The following PGAP1 variants were observed in gnomAD, a reference collection of about 807,000 sequenced individuals.
PGAP1 encodes post-GPI attachment to proteins inositol deacylase 1.
PGAP1 carries 76 observed loss-of-function variants against 127.0 expected under a neutral mutation model. The observed-to-expected ratio is 0.60, with a 90% CI of 0.50 to 0.72. The LOEUF (loss-of-function observed/expected upper bound fraction) is 0.72. PGAP1 is among the 30% of genes least tolerant of loss of function. PGAP1 has a pLI of 0.00. For synonymous variants in PGAP1, 362 were observed against 366.5 expected, an observed-to-expected ratio of 0.99 and a Z score of 0.14; for missense variants, 982 against 1,071.3, an observed-to-expected ratio of 0.92 and a Z score of 1.16.
chr2:196,867,327 G>T (rs901050085), intron 19 of PGAP1, among the ~76,000 whole-genome samples: 1 of 152,148 alleles, frequency 6.6e-6, no homozygotes, highest in Non-Finnish European at 1.5e-5. Flanking sequence ...CCTTTGCAGG[G>T]ACATGGATGA....
intron 20 of PGAP1, among the ~76,000 whole-genome samples, chr2:196,855,828 T>C (rs1238174352): frequency 6.6e-6 from 1 of 152,162 alleles, no homozygotes; most frequent in Non-Finnish European, 1.5e-5. Flanking sequence ...GGAAATATTG[T>C]ATTGAATGTT....
chr2:196,864,950 A>G (rs949848178), intron 20 of PGAP1, 37 bp downstream of exon 20: 2 of 1,205,402 alleles, frequency 1.7e-6, no homozygotes, highest in African/African-American at 3.2e-5. Flanking sequence ...TTTAATATTC[A>G]TAACAAAAGT....
chr2:196,893,220 A>C lies in PGAP1; in HGVS notation c.953T>G (p.Leu318Arg). 6.3e-7 allele frequency: 1 copy of C among 1,594,654 alleles called. No individual in the cohort carries two copies. The highest frequency in any genetic ancestry group is 8.6e-7 in the Non-Finnish European group (1 of 1,165,714). Residue 318 changes from leucine to arginine, a missense_variant, in exon 8 of 27, where the codon CTG becomes CGG. By Grantham distance (102) the Leu-to-Arg change is moderately radical (BLOSUM62 -2). Transcript: ENST00000354764. Reference protein sequence around the residue: ...KQITQNSKKKLSVLYHHFIRH... With the variant: ...KQITQNSKKKRSVLYHHFIRH... ...TATAAAGTGGTGATACAAAACTGAC[A>C]GTTTCTTCTTGGAATTTTGAGTTAT...
chr2:196,898,897 C>G (rs1319505257), intron 5 of PGAP1, among the ~76,000 whole-genome samples: 2 of 151,670 alleles, frequency 1.3e-5, no homozygotes, highest in Admixed American at 1.3e-4. Context: ...ATCTGACTTT[C>G]CCAAGCGGGG....
chr2:196,898,255 G>T, intron 6 of PGAP1, 62 bp downstream of exon 6: 4 of 1,112,462 alleles, frequency 3.6e-6, no homozygotes, highest in Non-Finnish European at 4.0e-6. Context: ...TTAAATTACT[G>T]CATTGAGGAG....
At chr2:196,898,985 C>T (rs1480290179) in intron 5 of PGAP1, among the ~76,000 whole-genome samples, 3 of 151,390 alleles carry the variant, frequency 2.0e-5, no homozygotes, top group Non-Finnish European at 4.4e-5. Flanking sequence ...TATACAAGGA[C>T]AAAAGGCTTC....
chr2:196,855,882 G>A (rs1700867806), intron 20 of PGAP1, among the ~76,000 whole-genome samples: 1 of 152,134 alleles, frequency 6.6e-6, no homozygotes, highest in Non-Finnish European at 1.5e-5. Flanking sequence ...TATTTGAGAA[G>A]ATGCACAGAA....
In PGAP1 at chr2:196,837,286, A is replaced by C. The variant is rs1370728389; in HGVS notation, c.*3948T>G. On this transcript the variant is annotated 3_prime_UTR_variant, in exon 27 of 27. Coordinates refer to ENST00000354764, the MANE Select transcript of PGAP1 (RefSeq NM_024989.4). ...GCCACAAAGGGTGCTAATAAACAGC[A>C]AGATGAAATGAATGCACTATACTAA... The C allele has an allele frequency of 1.3e-5, 2 of 152,190 alleles. No homozygotes were observed. The highest frequency in any genetic ancestry group is 3.8e-4 in the East Asian group (2 of 5,208). 9.4% of individuals were successfully genotyped at this position (152,190 alleles called of 1,614,324 possible).
At chr2:196,859,315 A>C (rs868488723) in intron 20 of PGAP1, among the ~76,000 whole-genome samples, 3 of 152,316 alleles carry the variant, frequency 2.0e-5, no homozygotes, top group Middle Eastern at 6.8e-3. Context: ...CAACAGAGTG[A>C]GACTCTGTCT....
At chr2:196,902,396 TATTC>T (rs112012835) in intron 5 of PGAP1, among the ~76,000 whole-genome samples, 185 bp downstream of exon 5, 2 of 151,480 alleles carry the variant, frequency 1.3e-5, no homozygotes, top group Middle Eastern at 3.4e-3. Flanking sequence ...AACACATTCA[TATTC>T]ATTCATTCAT....
intron 18 of PGAP1, among the ~76,000 whole-genome samples, chr2:196,871,621 A>T (rs1359997549): frequency 2.6e-5 from 4 of 152,188 alleles, no homozygotes; most frequent in Admixed American, 1.3e-4. Context: ...AGGATGCAAG[A>T]TATCAAAGCA....
At chr2:196,860,271 C>A (rs746416538) in intron 20 of PGAP1, among the ~76,000 whole-genome samples, 1 of 152,114 alleles carries the variant, frequency 6.6e-6, no homozygotes, top group African/African-American at 2.4e-5. Flanking sequence ...GTGGCTCATG[C>A]CTGTAATCCC....
At chr2:196,923,022 T>C (rs1703256210) in intron 1 of PGAP1, among the ~76,000 whole-genome samples, 1 of 152,002 alleles carries the variant, frequency 6.6e-6, no homozygotes, top group Admixed American at 6.6e-5. Flanking sequence ...ACACATGACA[T>C]GCTTTAAAAT....
At chr2:196,882,854 T>G (rs1701774874) in intron 12 of PGAP1, among the ~76,000 whole-genome samples, 1 of 152,200 alleles carries the variant, frequency 6.6e-6, no homozygotes, top group Non-Finnish European at 1.5e-5. Context: ...TTCTTTCTCT[T>G]GCCTGATTGC....
chr2:196,852,199 T>C (rs1415976068), intron 20 of PGAP1, among the ~76,000 whole-genome samples: 1 of 152,168 alleles, frequency 6.6e-6, no homozygotes, highest in Non-Finnish European at 1.5e-5. Context: ...ATGAAATCTA[T>C]AAGGCTTTTG....
At chr2:196,868,426 TAAC>T (rs1701311878) in intron 19 of PGAP1, among the ~76,000 whole-genome samples, 1 of 151,972 alleles carries the variant, frequency 6.6e-6, no homozygotes, top group Admixed American at 6.5e-5. Flanking sequence ...CTACTAAACT[TAAC>T]AATCATAAAC....
Position 196,839,678 on chromosome 2 carries a change from G to C in PGAP1, c.*1556C>G, listed in dbSNP as rs1230046196. On this transcript the variant is annotated 3_prime_UTR_variant, in exon 27 of 27. Coordinates refer to ENST00000354764, the MANE Select transcript of PGAP1 (RefSeq NM_024989.4). ...CTTCAACTGAGGCCAAAATAGCCAG[G>C]ACCTGAGGAAGAACTGAGAAGAGAA... 2.0e-5 allele frequency: 3 copies of C among 152,222 alleles called. No homozygotes were observed. Among genetic ancestry groups the C allele is most frequent in the African/African-American group, 7.2e-5 (3 of 41,430 alleles). The allele number at this position is 152,222 out of a possible 1,614,324, so 9.4% of individuals were successfully genotyped here.
chr2:196,893,235 T>A lies in PGAP1; in HGVS notation c.938A>T (p.Asn313Ile), dbSNP rs1485898931. 2 of 1,558,688 alleles carry A rather than the reference T, an allele frequency of 1.3e-6. No homozygotes were observed. Among genetic ancestry groups the A allele is most frequent in the Non-Finnish European group, 1.8e-6 (2 of 1,132,444 alleles). ...IDADTKQITQ[N>I]SKKKLSVLYH... ...CAAAACTGACAGTTTCTTCTTGGAA[T>A]TTTGAGTTATCTAGAAAGAACATTG... Residue 313 changes from asparagine to isoleucine, a missense_variant, in exon 8 of 27, where the codon AAT (asparagine) becomes ATT (isoleucine). Transcript: ENST00000354764.
At chr2:196,869,685 A>G (rs896191480) in intron 19 of PGAP1, among the ~76,000 whole-genome samples, 11 of 152,186 alleles carry the variant, frequency 7.2e-5, no homozygotes, top group Non-Finnish European at 1.3e-4. Flanking sequence ...TTTCCAACTT[A>G]TACTAAGATT....
Sources: gnomAD v4.1 joint callset for allele counts (sites outside exome capture counted in the v4.1 genomes callset) on GRCh38, gnomAD v4.1.1 for gene constraint, MANE v1.5 for transcripts, NCBI Gene and HGNC (gene_info 2026-07-23, HGNC 2026-07-21) for gene names.